LDB2: variants seen among roughly 807,000 people sequenced by gnomAD.
LDB2 encodes the protein LIM domain-binding protein 2.
LDB2 carries 12 observed loss-of-function variants against 44.3 expected under a neutral mutation model. That is an observed-to-expected ratio of 0.27 (90% CI 0.17 to 0.44). The LOEUF (loss-of-function observed/expected upper bound fraction) is 0.44, where lower values mean the gene tolerates loss of function less well. Among genes scored for constraint, LDB2 ranks in the 20% least tolerant of loss-of-function variants. LDB2 has a pLI of 1.00. For synonymous variants in LDB2, 164 were observed against 174.8 expected, an observed-to-expected ratio of 0.94 and a Z score of 0.49; for missense variants, 344 against 473.5, an observed-to-expected ratio of 0.73 and a Z score of 2.54.
chr4:16,843,156 C>T (rs963962323), intron 1 of LDB2, among the ~76,000 whole-genome samples: 3 of 152,118 alleles, frequency 2.0e-5, no homozygotes, highest in Non-Finnish European at 4.4e-5. Context: ...CTTACAAACA[C>T]CTTGTTCAAT....
intron 2 of LDB2, among the ~76,000 whole-genome samples, chr4:16,758,692 C>T (rs898370151): frequency 6.6e-6 from 1 of 152,072 alleles, no homozygotes; most frequent in Non-Finnish European, 1.5e-5. Context: ...TCCCCACACC[C>T]CAAAAAAAGA....
intron 1 of LDB2, among the ~76,000 whole-genome samples, chr4:16,791,646 A>T (rs1775787891): frequency 6.7e-6 from 1 of 149,478 alleles, no homozygotes; most frequent in Admixed American, 6.7e-5. Context: ...GGCTTTAGAT[A>T]TTTTTTTTGA....
chr4:16,830,364 C>T (rs1253882687), intron 1 of LDB2, among the ~76,000 whole-genome samples: 1 of 152,168 alleles, frequency 6.6e-6, no homozygotes, highest in African/African-American at 2.4e-5. Flanking sequence ...TCTCCTTCTG[C>T]CTTGTGAAGA....
At chr4:16,739,505 G>A (rs1457800779) in intron 2 of LDB2, among the ~76,000 whole-genome samples, 3 of 143,070 alleles carry the variant, frequency 2.1e-5, no homozygotes, top group African/African-American at 7.8e-5. Context: ...AGAATCACTT[G>A]AACCCGGGAG....
chr4:16,708,116 A>G (rs1483760687), intron 2 of LDB2, among the ~76,000 whole-genome samples: 1 of 152,098 alleles, frequency 6.6e-6, no homozygotes, highest in East Asian at 1.9e-4. Flanking sequence ...TTCATCTTTC[A>G]CTGAGAAGCT....
At chr4:16,625,443 G>C (rs1398473162) in intron 2 of LDB2, among the ~76,000 whole-genome samples, 1 of 152,104 alleles carries the variant, frequency 6.6e-6, no homozygotes, top group Non-Finnish European at 1.5e-5. Context: ...TTCTTCATGA[G>C]ACTGTAAGCT....
At chr4:16,570,458 G>A (rs1284143283) in intron 5 of LDB2, among the ~76,000 whole-genome samples, 9 of 15,696 alleles carry the variant, frequency 5.7e-4, no homozygotes, top group African/African-American at 1.2e-3. Context: ...GCAAGACTCT[G>A]TCTCAAAAAA....
chr4:16,652,128 G>A (rs1738455880), intron 2 of LDB2, among the ~76,000 whole-genome samples: 1 of 151,972 alleles, frequency 6.6e-6, no homozygotes, highest in South Asian at 2.1e-4. Flanking sequence ...TTTTTTATTT[G>A]TAGAGATGAG....
At chr4:16,824,982 G>C (rs531660349) in intron 1 of LDB2, among the ~76,000 whole-genome samples, 2 of 152,320 alleles carry the variant, frequency 1.3e-5, no homozygotes, top group East Asian at 3.9e-4. Context: ...CCTGGTATAT[G>C]GTAGATGCAG....
chr4:16,665,099 G>T (rs1742671683), intron 2 of LDB2, among the ~76,000 whole-genome samples: 1 of 152,144 alleles, frequency 6.6e-6, no homozygotes, highest in East Asian at 1.9e-4. Context: ...CTGTATGGGA[G>T]AGGGGGAAAA....
At chr4:16,734,703 C>CTTTTTT (rs539507998) in intron 2 of LDB2, among the ~76,000 whole-genome samples, 9 of 129,374 alleles carry the variant, frequency 7.0e-5, no homozygotes, top group Non-Finnish European at 1.1e-4. Context: ...TTCTTGTTTT[C>CTTTTTT]TTTTTTTTTT....
At chr4:16,664,640 G>C (rs983303345) in intron 2 of LDB2, among the ~76,000 whole-genome samples, 1 of 152,192 alleles carries the variant, frequency 6.6e-6, no homozygotes, top group Non-Finnish European at 1.5e-5. Flanking sequence ...TTGTAAATGT[G>C]ATTACTAAAA....
chr4:16,581,393 T>C (rs1714383817), intron 5 of LDB2: 2 of 983,172 alleles, frequency 2.0e-6, no homozygotes. Context: ...CATGTCACAG[T>C]GAGAGGATGC....
intron 4 of LDB2, among the ~76,000 whole-genome samples, chr4:16,586,647 G>A (rs902048283): frequency 2.6e-5 from 4 of 152,060 alleles, no homozygotes; most frequent in Admixed American, 6.6e-5. Flanking sequence ...GACTGTAAGA[G>A]TAAGTATCAC....
chr4:16,879,434 G>T (rs1382683262), intron 1 of LDB2, among the ~76,000 whole-genome samples: 5 of 152,000 alleles, frequency 3.3e-5, no homozygotes, highest in Non-Finnish European at 5.9e-5. Context: ...TGTTGTCTGG[G>T]TAAAGCACAC....
intron 2 of LDB2, among the ~76,000 whole-genome samples, chr4:16,625,208 C>G (rs895491480): frequency 1.3e-5 from 2 of 152,210 alleles, no homozygotes; most frequent in African/African-American, 4.8e-5. Context: ...GCTCCAGCAG[C>G]ACAGAACTTC....
At chr4:16,812,390 T>C (rs1436036005) in intron 1 of LDB2, among the ~76,000 whole-genome samples, 1 of 152,118 alleles carries the variant, frequency 6.6e-6, no homozygotes, top group Non-Finnish European at 1.5e-5. Flanking sequence ...AATTCTGTAG[T>C]AGTAGTTAAA....
intron 2 of LDB2, among the ~76,000 whole-genome samples, chr4:16,649,044 A>G (rs554791903): frequency 2.0e-5 from 3 of 152,374 alleles, no homozygotes; most frequent in African/African-American, 7.2e-5. Context: ...TTTCTTATGT[A>G]GTAAAGAAAA....
At chr4:16,894,107 G>T (rs1313307997) in intron 1 of LDB2, among the ~76,000 whole-genome samples, 2 of 152,008 alleles carry the variant, frequency 1.3e-5, no homozygotes, top group African/African-American at 4.8e-5. Flanking sequence ...GCTTTTCACA[G>T]AACAAATTCT....
Sources: allele counts gnomAD v4.1 joint callset (sites outside exome capture counted in the v4.1 genomes callset), GRCh38; gene constraint gnomAD v4.1.1; transcripts MANE v1.5; gene names NCBI Gene and HGNC (gene_info 2026-07-23, HGNC 2026-07-21).